The following TENM3 variants were observed in gnomAD, a reference collection of about 807,000 sequenced individuals.
TENM3 encodes the protein teneurin transmembrane protein 3, also known as teneurin-3.
Under a neutral mutation model 255.1 loss-of-function variants are expected in TENM3, and 63 were observed. The ratio of observed to expected loss-of-function variants is 0.25; its 90% confidence interval spans 0.20 to 0.30. TENM3 has a LOEUF of 0.30. Among genes scored for constraint, TENM3 ranks in the 10% least tolerant of loss-of-function variants. The pLI is 1.00. For synonymous variants in TENM3, 1,306 were observed against 1,322.3 expected (o/e 0.99, Z 0.27); for missense variants, 2,929 against 3,461.1 (o/e 0.85, Z 3.86).
intron 3 of TENM3, among the ~76,000 whole-genome samples, chr4:182,454,374 C>T (rs1311201324): frequency 2.6e-5 from 4 of 151,896 alleles, no homozygotes; most frequent in African/African-American, 9.7e-5. Context: ...TTTCATACAT[C>T]GATTTATATG....
chr4:182,587,782 T>G (rs1746193980), intron 3 of TENM3, among the ~76,000 whole-genome samples: 2 of 152,150 alleles, frequency 1.3e-5, no homozygotes, highest in South Asian at 4.1e-4. Flanking sequence ...GTTTAAAAAT[T>G]TTTTACATTA....
chr4:181,538,192 G>A, the TENM3 span, among the ~76,000 whole-genome samples: 18 of 152,098 alleles, frequency 1.2e-4, no homozygotes, highest in East Asian at 3.9e-4. Context: ...ACTTTTAATC[G>A]GTTTTCTAAC....
Position 182,681,810 on chromosome 4 carries a change from C to A in TENM3, c.1835-4C>A. ...TAATAAAATTGTTCTTTTCTTTACA[C>A]CAGCTGACTGTATAGACCCTGGGTG... On this transcript the variant is annotated splice_polypyrimidine_tract_variant and splice_region_variant and intron_variant, in intron 10 of 27. Transcript: ENST00000511685. 1 of 1,606,744 alleles carries A rather than the reference C, an allele frequency of 6.2e-7. No individual in the cohort carries two copies. The highest frequency in any genetic ancestry group is 8.5e-7 in the Non-Finnish European group (1 of 1,174,896).
intron 1 of TENM3, among the ~76,000 whole-genome samples, chr4:182,231,945 C>A (rs143928640): frequency 2.3e-4 from 35 of 152,272 alleles, no homozygotes; most frequent in African/African-American, 7.9e-4. Context: ...TGGAGTCCTG[C>A]CTGGTTTGCA....
the TENM3 span, among the ~76,000 whole-genome samples, chr4:181,588,174 G>A: frequency 2.0e-5 from 3 of 152,284 alleles, no homozygotes; most frequent in South Asian, 2.1e-4. Context: ...GCCTCTGCTC[G>A]CAGTCCCGCA....
chr4:182,592,871 A>G (rs1376493343), intron 3 of TENM3, among the ~76,000 whole-genome samples: 1 of 152,236 alleles, frequency 6.6e-6, no homozygotes, highest in Non-Finnish European at 1.5e-5. Flanking sequence ...TGAGGTGAAA[A>G]CGAATTTTAG....
rs34721873 is a variant in TENM3, at chr4:182,437,029, CAA to C, written c.511+90114_511+90115del. Among the ~76,000 whole-genome samples, 955 of 136,642 alleles carry C rather than the reference CAA, an allele frequency of 7.0e-3. 2 individuals carry two copies. The highest frequency in any genetic ancestry group is 0.014 in the African/African-American group (513 of 36,870). The allele number at this position is 136,642 out of a possible 152,430, so 89.6% of individuals were successfully genotyped here. The stretch of plus-strand genomic sequence containing the variant: ...GGCAGCAAGAACGAAACTCCGCCTC[CAA>C]AAAAAAAAAAAAATGCACCAGTGCT... On this transcript the variant is annotated intron_variant, in intron 3 of 27. Coordinates refer to ENST00000511685, the MANE Select transcript of TENM3 (RefSeq NM_001080477.4).
chr4:182,166,788 A>G (rs536589527), intron 1 of TENM3, among the ~76,000 whole-genome samples: 1 of 152,240 alleles, frequency 6.6e-6, no homozygotes, highest in South Asian at 2.1e-4. Context: ...AGATTTTGAC[A>G]GTATTTCTAA....
chr4:182,048,625 G>A, the TENM3 span, among the ~76,000 whole-genome samples: 1 of 152,124 alleles, frequency 6.6e-6, no homozygotes, highest in Non-Finnish European at 1.5e-5. Context: ...ATATGTTTTT[G>A]TACCTCTATA....
the TENM3 span, among the ~76,000 whole-genome samples, chr4:182,073,347 A>G: frequency 1.1e-3 from 167 of 152,232 alleles, no homozygotes; most frequent in African/African-American, 3.8e-3. Flanking sequence ...GATTATGGGG[A>G]TTACAATTCA....
intron 3 of TENM3, among the ~76,000 whole-genome samples, chr4:182,548,071 A>T (rs1403352317): frequency 2.0e-5 from 3 of 151,940 alleles, no homozygotes; most frequent in Non-Finnish European, 4.4e-5. Flanking sequence ...AAAATATAAA[A>T]AAATTAGCCA....
At chr4:182,358,082 T>G (rs1427500854) in intron 3 of TENM3, among the ~76,000 whole-genome samples, 1 of 151,838 alleles carries the variant, frequency 6.6e-6, no homozygotes. Context: ...TCTATATCTC[T>G]GTTTTGGTAC....
At chr4:181,963,206 C>A in the TENM3 span, among the ~76,000 whole-genome samples, 1 of 152,084 alleles carries the variant, frequency 6.6e-6, no homozygotes, top group Admixed American at 6.6e-5. Flanking sequence ...GAGCCCGATC[C>A]GTCAGTGGCT....
At chr4:181,500,423 C>A in the TENM3 span, among the ~76,000 whole-genome samples, 1 of 151,650 alleles carries the variant, frequency 6.6e-6, no homozygotes, top group Non-Finnish European at 1.5e-5. Flanking sequence ...AGGGAACAAA[C>A]AAAAAATATG....
At chr4:182,279,564 G>A (rs999494506) in intron 1 of TENM3, among the ~76,000 whole-genome samples, 4 of 152,098 alleles carry the variant, frequency 2.6e-5, no homozygotes, top group African/African-American at 7.2e-5. Flanking sequence ...ACAGATACTC[G>A]GGTGTACATA....
intron 3 of TENM3, among the ~76,000 whole-genome samples, chr4:182,444,641 A>G (rs1430413115): frequency 6.6e-6 from 1 of 152,208 alleles, no homozygotes; most frequent in Admixed American, 6.5e-5. Context: ...ATTTGAAAAC[A>G]CAGGAGAAAT....
Position 182,642,935 on chromosome 4 carries a change from T to A in TENM3, c.989-10836T>A, listed in dbSNP as rs970828761. 3.9e-5 allele frequency among the ~76,000 whole-genome samples: 6 copies of A among 152,168 alleles called. No homozygotes were observed. The East Asian group carries it at 1.2e-3, about 29-fold the overall frequency. On this transcript the variant is annotated intron_variant, in intron 5 of 27. Transcript: ENST00000511685. Reference sequence around the variant, plus strand: ...AGCCTTAAAAGTTAATAACAAATAATAATGAATTAGAATGCCAAAATATTG... The same window carrying A: ...AGCCTTAAAAGTTAATAACAAATAAAAATGAATTAGAATGCCAAAATATTG...
At chr4:182,760,775 A>G (rs1763122637) in intron 22 of TENM3, among the ~76,000 whole-genome samples, 1 of 152,144 alleles carries the variant, frequency 6.6e-6, no homozygotes, top group Non-Finnish European at 1.5e-5. Flanking sequence ...CTTTATAATG[A>G]ACTTAACTCA....
the TENM3 span, among the ~76,000 whole-genome samples, chr4:182,047,412 A>G: frequency 2.0e-5 from 3 of 151,942 alleles, no homozygotes; most frequent in Non-Finnish European, 4.4e-5. Flanking sequence ...AATACAAAAA[A>G]TTAGCGGGGC....
Sources: allele counts gnomAD v4.1 joint callset (sites outside exome capture counted in the v4.1 genomes callset), GRCh38; gene constraint gnomAD v4.1.1; transcripts MANE v1.5; gene names NCBI Gene and HGNC (gene_info 2026-07-23, HGNC 2026-07-21).